Variants in AGMO observed in about 807,000 individuals in gnomAD.
AGMO encodes alkylglycerol monooxygenase, also known as glyceryl-ether monooxygenase.
Under a neutral mutation model 60.2 loss-of-function variants are expected in AGMO, and 75 were observed. The ratio of observed to expected loss-of-function variants is 1.25; its 90% CI spans 1.03 to 1.51. AGMO has a LOEUF of 1.51. Ranked by LOEUF, AGMO falls within the 40% of genes most tolerant of loss-of-function variation. The pLI, the probability that AGMO is intolerant of heterozygous loss-of-function variation, is 0.00. For missense variants in AGMO, 763 were observed against 525.5 expected, an observed-to-expected ratio of 1.45 and a Z score of -4.42; for synonymous variants, 261 against 177.1, an observed-to-expected ratio of 1.47 and a Z score of -3.76.
the AGMO span, among the ~76,000 whole-genome samples, chr7:15,159,723 T>A: frequency 7.0e-4 from 107 of 152,296 alleles, no homozygotes; most frequent in African/African-American, 2.5e-3. Context: ...ATATTCCAGT[T>A]GCTTCAACTT....
chr7:15,234,764 T>C (rs1782368187), intron 12 of AGMO, among the ~76,000 whole-genome samples: 1 of 152,206 alleles, frequency 6.6e-6, no homozygotes, highest in African/African-American at 2.4e-5. Context: ...AATTTTATGA[T>C]CACTGAAATT....
chr7:15,369,991 T>C (rs1783137830), intron 10 of AGMO, among the ~76,000 whole-genome samples: 1 of 152,136 alleles, frequency 6.6e-6, no homozygotes, highest in Non-Finnish European at 1.5e-5. Flanking sequence ...AGGTTTGAGA[T>C]AGGAATGATC....
chr7:15,430,979 T>A (rs765681346), intron 4 of AGMO, 26 bp downstream of exon 4: 5 of 1,312,590 alleles, frequency 3.8e-6, no homozygotes, highest in Non-Finnish European at 5.3e-6. Flanking sequence ...TAGATTACCA[T>A]GTTTATTCCA....
chr7:15,212,869 T>C (rs1000483590), intron 12 of AGMO, among the ~76,000 whole-genome samples: 8 of 151,962 alleles, frequency 5.3e-5, no homozygotes, highest in African/African-American at 1.9e-4. Flanking sequence ...GTTGTTGCAA[T>C]GTTCAATTTA....
chr7:15,243,270 T>C (rs923334826), intron 12 of AGMO, among the ~76,000 whole-genome samples: 45 of 152,226 alleles, frequency 3.0e-4, no homozygotes, highest in African/African-American at 9.2e-4. Flanking sequence ...TTTATCAATG[T>C]TTCTTTGTTC....
intron 12 of AGMO, among the ~76,000 whole-genome samples, chr7:15,247,989 G>C (rs1001551491): frequency 2.0e-5 from 3 of 151,156 alleles, no homozygotes; most frequent in Non-Finnish European, 2.9e-5. Flanking sequence ...AGAAACTGAA[G>C]TAAGTGAAGT....
intron 3 of AGMO, among the ~76,000 whole-genome samples, chr7:15,436,054 T>C (rs1237022162): frequency 2.6e-5 from 4 of 152,172 alleles, no homozygotes; most frequent in Non-Finnish European, 5.9e-5. Flanking sequence ...GTTTCACTCA[T>C]AATCTGGAAA....
At chr7:15,147,398 A>G in the AGMO span, among the ~76,000 whole-genome samples, 2 of 152,196 alleles carry the variant, frequency 1.3e-5, no homozygotes, top group African/African-American at 4.8e-5. Context: ...GACATCTTAC[A>G]TGGTGGCAGG....
At chr7:15,454,711 T>TTA (rs1781952545) in intron 3 of AGMO, among the ~76,000 whole-genome samples, 1 of 152,100 alleles carries the variant, frequency 6.6e-6, no homozygotes, top group African/African-American at 2.4e-5. Context: ...TTTAACCTAA[T>TTA]TATATATATG....
At chr7:15,268,279 T>A (rs1783492262) in intron 12 of AGMO, among the ~76,000 whole-genome samples, 1 of 152,034 alleles carries the variant, frequency 6.6e-6, no homozygotes, top group African/African-American at 2.4e-5. Context: ...TACTCTAAGT[T>A]TTAAAAGCCT....
At chr7:15,506,183 G>A (rs1275308020) in intron 3 of AGMO, among the ~76,000 whole-genome samples, 1 of 152,004 alleles carries the variant, frequency 6.6e-6, no homozygotes, top group Non-Finnish European at 1.5e-5. Flanking sequence ...AACCTCCAAA[G>A]ATACACTGAG....
intron 3 of AGMO, among the ~76,000 whole-genome samples, chr7:15,497,585 CT>C: frequency 6.6e-6 from 1 of 152,008 alleles, no homozygotes; most frequent in Non-Finnish European, 1.5e-5. Context: ...AACAATTAGA[CT>C]TTTTTACTTT....
At chr7:15,388,135 G>A (rs1784000014) in intron 8 of AGMO, among the ~76,000 whole-genome samples, 1 of 151,966 alleles carries the variant, frequency 6.6e-6, no homozygotes, top group African/African-American at 2.4e-5. Context: ...TTGTGATTTT[G>A]CTAGTTTTCA....
At chr7:15,240,515 G>A (rs182569243) in intron 12 of AGMO, among the ~76,000 whole-genome samples, 4 of 152,194 alleles carry the variant, frequency 2.6e-5, no homozygotes, top group East Asian at 1.9e-4. Flanking sequence ...TCACTTAGGT[G>A]CAGAGATAAA....
chr7:15,268,039 T>C (rs939675679), intron 12 of AGMO, among the ~76,000 whole-genome samples: 4 of 151,986 alleles, frequency 2.6e-5, no homozygotes, highest in African/African-American at 9.7e-5. Flanking sequence ...ATAGGTTGCA[T>C]GATAATAAAG....
the AGMO span, among the ~76,000 whole-genome samples, chr7:15,160,239 C>T: frequency 3.3e-5 from 5 of 152,114 alleles, no homozygotes; most frequent in African/African-American, 9.7e-5. Flanking sequence ...ACTACTATTT[C>T]CTTCTTCTTC....
intron 12 of AGMO, among the ~76,000 whole-genome samples, chr7:15,353,564 A>T (rs1279504196): frequency 6.6e-6 from 1 of 152,230 alleles, no homozygotes; most frequent in African/African-American, 2.4e-5. Flanking sequence ...AGAAAAAAGA[A>T]ATGTATTTAA....
At chr7:15,414,088 A>C (rs998128555) in intron 5 of AGMO, among the ~76,000 whole-genome samples, 28 of 150,830 alleles carry the variant, frequency 1.9e-4, no homozygotes, top group Non-Finnish European at 3.3e-4. Flanking sequence ...GTTCACTGCA[A>C]GCTCCGCCTC....
chr7:15,471,485 C>T (rs1367860595), intron 3 of AGMO, among the ~76,000 whole-genome samples: 2 of 151,842 alleles, frequency 1.3e-5, no homozygotes, highest in African/African-American at 2.4e-5. Context: ...TAAATAATGT[C>T]ATGGTTGTCA....
Sources: gnomAD v4.1 joint callset for allele counts (sites outside exome capture counted in the v4.1 genomes callset) on GRCh38, gnomAD v4.1.1 for gene constraint, MANE v1.5 for transcripts, NCBI Gene and HGNC (gene_info 2026-07-23, HGNC 2026-07-21) for gene names.